CHRNA7: variants seen among roughly 807,000 people sequenced by gnomAD.
CHRNA7 encodes neuronal acetylcholine receptor subunit alpha-7.
A neutral mutation model predicts 48.0 loss-of-function variants in CHRNA7; 17 were observed. The ratio of observed to expected loss-of-function variants is 0.35; its 90% confidence interval spans 0.24 to 0.53. The LOEUF (loss-of-function observed/expected upper bound fraction) is 0.53. CHRNA7 is among the 20% of genes least tolerant of loss of function. CHRNA7 has a pLI of 0.92. For missense variants in CHRNA7, 155 were observed against 577.7 expected (o/e 0.27, Z 7.50); for synonymous variants, 75 against 242.3 (o/e 0.31, Z 6.41).
In CHRNA7 at chr15:32,147,060, A is replaced by C. The variant is rs116945404; in HGVS notation, c.351-6847A>C. On this transcript the variant is annotated intron_variant, in intron 4 of 9. Coordinates refer to ENST00000306901, the MANE Select transcript of CHRNA7 (RefSeq NM_000746.6). ...CAGAAACTGGATATCTGCTGTGTTA[A>C]TCTTCTCCCATGTTACTTATAGCTT... Among the ~76,000 whole-genome samples the C allele has an allele frequency of 8.7e-4, 132 of 152,358 alleles. 1 individual carries two copies. The highest frequency in any genetic ancestry group is 1.6e-3 in the Admixed American group (25 of 15,300).
chr15:32,030,729 T>A, intron 1 of CHRNA7, 80 bp downstream of exon 1: 1 of 1,531,892 alleles, frequency 6.5e-7, no homozygotes, highest in South Asian at 1.2e-5. Context: ...GCCCCGCGCC[T>A]GGGCCAGGTT....
At chr15:32,083,561 A>T (rs1294816621) in intron 2 of CHRNA7, among the ~76,000 whole-genome samples, 1 of 152,216 alleles carries the variant, frequency 6.6e-6, no homozygotes, top group Non-Finnish European at 1.5e-5. Flanking sequence ...TTTGGGCTAC[A>T]TGTGAAGGGA....
At chr15:32,082,179 G>A (rs2050226946) in intron 2 of CHRNA7, among the ~76,000 whole-genome samples, 2 of 152,006 alleles carry the variant, frequency 1.3e-5, no homozygotes, top group African/African-American at 4.8e-5. Flanking sequence ...ATGTGTCGTG[G>A]TGGAGATTTC....
At chr15:32,124,941 C>T (rs1318110677) in intron 4 of CHRNA7, among the ~76,000 whole-genome samples, 3 of 152,124 alleles carry the variant, frequency 2.0e-5, no homozygotes. Context: ...ACATCAGATC[C>T]GTGGGTGCTT....
chr15:32,065,027 AAAG>A (rs748969886), intron 2 of CHRNA7, among the ~76,000 whole-genome samples: 29 of 152,342 alleles, frequency 1.9e-4, no homozygotes, highest in Admixed American at 1.2e-3. Flanking sequence ...ATAAAATCAG[AAAG>A]AAGAAGGAAA....
At position 32,062,125 on chromosome 15, in the gene CHRNA7, C is replaced by T. The variant is rs139271625; in HGVS notation, c.195+31088C>T. ...CTTTTAGCTGTTTCTTTGAGATTTA[C>T]GTGCATATCTTGAAATAAAATGCTT... On this transcript the variant is annotated intron_variant, in intron 2 of 9. Coordinates refer to ENST00000306901, the MANE Select transcript of CHRNA7 (RefSeq NM_000746.6). Among the ~76,000 whole-genome samples the T allele has an allele frequency of 6.5e-3, 989 of 152,222 alleles. 6 individuals are homozygous for T. Among genetic ancestry groups the T allele is most frequent in the South Asian group, 0.028 (136 of 4,822 alleles).
chr15:32,122,838 G>A (rs1393957967), intron 4 of CHRNA7, among the ~76,000 whole-genome samples: 2 of 139,454 alleles, frequency 1.4e-5, no homozygotes, highest in Non-Finnish European at 3.0e-5. Context: ...ATCTTGCTGC[G>A]ATTTTAAAAC....
intron 4 of CHRNA7, among the ~76,000 whole-genome samples, chr15:32,147,250 G>C (rs1188703486): frequency 6.6e-6 from 1 of 152,184 alleles, no homozygotes; most frequent in Admixed American, 6.5e-5. Context: ...ACTACTGTAG[G>C]GGGAAAGGAG....
At chr15:32,038,421 AT>A (rs2049390259) in intron 2 of CHRNA7, among the ~76,000 whole-genome samples, 1 of 152,106 alleles carries the variant, frequency 6.6e-6, no homozygotes, top group African/African-American at 2.4e-5. Flanking sequence ...TAGCCTGTTG[AT>A]GTAATGGATT....
intron 4 of CHRNA7, among the ~76,000 whole-genome samples, chr15:32,115,476 T>A (rs1191605715): frequency 1.3e-5 from 2 of 152,058 alleles, no homozygotes; most frequent in African/African-American, 4.8e-5. Flanking sequence ...CCCCCAGGTA[T>A]GTGCTGACCA....
chr15:32,053,779 A>G lies in CHRNA7; in HGVS notation c.195+22742A>G, dbSNP rs2141193003. On this transcript the variant is annotated intron_variant, in intron 2 of 9. Coordinates refer to ENST00000306901, the MANE Select transcript of CHRNA7 (RefSeq NM_000746.6). ...AGCAATGAATTATACAAAATCTTGT[A>G]TTACGGGTTAAAAATTAGTGCAGAA... 2.6e-5 allele frequency among the ~76,000 whole-genome samples: 4 copies of G among 152,352 alleles called. 1 individual carries two copies. The Middle Eastern group carries it at 0.014, about 518-fold the overall frequency.
intron 2 of CHRNA7, among the ~76,000 whole-genome samples, chr15:32,086,230 C>G (rs1010738604): frequency 1.5e-4 from 22 of 151,496 alleles, no homozygotes; most frequent in Non-Finnish European, 2.5e-4. Context: ...TTAGCTGGGC[C>G]TGGTGGCAGG....
chr15:32,093,690 C>T (rs2050419825), intron 2 of CHRNA7, among the ~76,000 whole-genome samples: 1 of 152,182 alleles, frequency 6.6e-6, no homozygotes, highest in African/African-American at 2.4e-5. Flanking sequence ...CTAAAGGAGC[C>T]AGGCTGATCA....
rs796976253 is a variant in CHRNA7, at chr15:32,102,663, TGA to T, written c.240+1318_240+1319del. 46 of 152,306 alleles carry T rather than the reference TGA, an allele frequency of 3.0e-4. 1 individual carries two copies. Among genetic ancestry groups the T allele is most frequent in the Middle Eastern group, 3.4e-3 (1 of 294 alleles). The allele number at this position is 152,306 out of a possible 1,614,324, so 9.4% of individuals were successfully genotyped here. On this transcript the variant is annotated intron_variant, in intron 3 of 9. Transcript: ENST00000306901. ...TGGCAATTTATATCTCTGCCCAAGATGAGTTTGTTTTAAATTAGTTCATGTAT... is the reference window on the plus strand; with the variant it reads ...TGGCAATTTATATCTCTGCCCAAGATGTTTGTTTTAAATTAGTTCATGTAT...
At chr15:32,034,134 A>T (rs1250481078) in intron 2 of CHRNA7, among the ~76,000 whole-genome samples, 1 of 152,222 alleles carries the variant, frequency 6.6e-6, no homozygotes, top group Non-Finnish European at 1.5e-5. Flanking sequence ...GTGCTAGAAA[A>T]CATTGTGTTC....
In CHRNA7 at chr15:32,084,921, G is replaced by A. The variant is rs370516460; in HGVS notation, c.196-16382G>A. Among the ~76,000 whole-genome samples the A allele has an allele frequency of 6.5e-4, 99 of 151,324 alleles. No individual in the cohort carries two copies. The South Asian group carries it at 0.019, about 29-fold the overall frequency. ...GATCACAGCTCACTGCAACCTCCGC[G>A]TCCTGGGTTCAAGTAATTCTCCTGC... On this transcript the variant is annotated intron_variant, in intron 2 of 9. Transcript: ENST00000306901.
At chr15:32,097,053 T>C (rs887701516) in intron 2 of CHRNA7, among the ~76,000 whole-genome samples, 1 of 152,084 alleles carries the variant, frequency 6.6e-6, no homozygotes, top group African/African-American at 2.4e-5. Context: ...CTGAGTGACA[T>C]CGCACAGATT....
At chr15:32,120,199 C>T (rs1450649954) in intron 4 of CHRNA7, among the ~76,000 whole-genome samples, 5 of 152,196 alleles carry the variant, frequency 3.3e-5, no homozygotes, top group African/African-American at 1.2e-4. Context: ...CTGGGTCTGC[C>T]TGACTCCATA....
intron 2 of CHRNA7, among the ~76,000 whole-genome samples, chr15:32,047,103 G>T (rs1041702848): frequency 6.9e-6 from 1 of 145,270 alleles, no homozygotes; most frequent in Non-Finnish European, 1.5e-5. Context: ...GTCAGGTAGC[G>T]TGATGCCTCC....
Sources: gnomAD v4.1 joint callset for allele counts (sites outside exome capture counted in the v4.1 genomes callset) on GRCh38, gnomAD v4.1.1 for gene constraint, MANE v1.5 for transcripts, NCBI Gene and HGNC (gene_info 2026-07-23, HGNC 2026-07-21) for gene names.